Variants in ERN1 observed in about 807,000 individuals in gnomAD.
ERN1 encodes the protein endoplasmic reticulum to nucleus signaling 1, also known as serine/threonine-protein kinase/endoribonuclease IRE1.
In ERN1, 39 loss-of-function variants were observed where a neutral mutation model predicts 113.1. The observed-to-expected ratio is 0.34, with a 90% CI of 0.27 to 0.45. The LOEUF (loss-of-function observed/expected upper bound fraction) is 0.45, where lower values mean the gene tolerates loss of function less well. Among genes scored for constraint, ERN1 ranks in the 20% least tolerant of loss-of-function variants. ERN1 has a pLI of 1.00. For synonymous variants in ERN1, 507 were observed against 515.9 expected (o/e 0.98, Z 0.23); for missense variants, 976 against 1,274.8 (o/e 0.77, Z 3.57).
intron 1 of ERN1, among the ~76,000 whole-genome samples, chr17:64,101,242 C>G (rs1941061035): frequency 6.6e-6 from 1 of 152,082 alleles, no homozygotes; most frequent in Admixed American, 6.6e-5. Context: ...AACCTCGTCT[C>G]TACTAAAAAT....
intron 2 of ERN1, among the ~76,000 whole-genome samples, chr17:64,081,345 C>G (rs924910455): frequency 3.0e-4 from 45 of 152,158 alleles, no homozygotes; most frequent in African/African-American, 1.1e-3. Context: ...TTTGGCCCCC[C>G]CATTGCATTT....
intron 19 of ERN1, among the ~76,000 whole-genome samples, chr17:64,047,390 T>C (rs947770134): frequency 5.9e-5 from 9 of 152,092 alleles, no homozygotes; most frequent in Non-Finnish European, 8.8e-5. Flanking sequence ...TAAATAAGCT[T>C]ATGACACTTG....
At chr17:64,128,013 T>TA (rs1915125821) in intron 1 of ERN1, among the ~76,000 whole-genome samples, 2 of 151,946 alleles carry the variant, frequency 1.3e-5, no homozygotes, top group Admixed American at 1.3e-4. Flanking sequence ...CTTTCTTTTT[T>TA]TTTTTTGAGA....
chr17:64,055,963 C>G lies in ERN1; in HGVS notation c.1399-15G>C, dbSNP rs1386245685. The G allele has an allele frequency of 6.6e-7, 1 of 1,526,254 alleles. No homozygotes were observed. The highest frequency in any genetic ancestry group is 8.8e-7 in the Non-Finnish European group (1 of 1,135,040). The allele number at this position is 1,526,254 out of a possible 1,614,324, so 94.5% of individuals were successfully genotyped here. On this transcript the variant is annotated splice_polypyrimidine_tract_variant and intron_variant, in intron 12 of 21. Coordinates refer to ENST00000433197, the MANE Select transcript of ERN1 (RefSeq NM_001433.5). The stretch of plus-strand genomic sequence containing the variant: ...TGATGCATGCTCTGGGAAGAGAAAC[C>G]CACATCCAGACAAGGGCAGCTGTTC...
chr17:64,123,429 T>C (rs2143509263), intron 1 of ERN1, among the ~76,000 whole-genome samples: 1 of 152,356 alleles, frequency 6.6e-6, no homozygotes, highest in Admixed American at 6.5e-5. Context: ...GAGACTGCCT[T>C]GGTTTATTTA....
intron 2 of ERN1, among the ~76,000 whole-genome samples, chr17:64,090,571 G>A (rs1043815142): frequency 2.0e-5 from 3 of 152,186 alleles, no homozygotes; most frequent in African/African-American, 7.2e-5. Context: ...AAAGGGACAG[G>A]TAACTAAGTC....
chr17:64,060,395 A>T (rs1913014834), intron 11 of ERN1, 74 bp downstream of exon 11: 1 of 916,976 alleles, frequency 1.1e-6, no homozygotes, highest in South Asian at 1.3e-5. Context: ...CTCAGAAGGC[A>T]GAGTCAAAGT....
At chr17:64,070,462 C>T (rs1913374225) in intron 6 of ERN1, among the ~76,000 whole-genome samples, 1 of 152,162 alleles carries the variant, frequency 6.6e-6, no homozygotes, top group Admixed American at 6.5e-5. Flanking sequence ...CTGGATGAAG[C>T]TGGGGCCACT....
At chr17:64,126,977 T>C (rs1915097995) in intron 1 of ERN1, among the ~76,000 whole-genome samples, 1 of 152,172 alleles carries the variant, frequency 6.6e-6, no homozygotes, top group Non-Finnish European at 1.5e-5. Flanking sequence ...AATTGAGAGA[T>C]GTGGCACCTA....
chr17:64,046,541 G>A lies in ERN1; in HGVS notation c.2530-1059C>T, dbSNP rs201012176. On this transcript the variant is annotated intron_variant, in intron 19 of 21. Coordinates refer to ENST00000433197, the MANE Select transcript of ERN1 (RefSeq NM_001433.5). ...TTCACATTATGTCCATGGACACAGT[G>A]ACCAATCCATATGCTACAACATGGA... Among the ~76,000 whole-genome samples, 6 of 152,272 alleles carry A rather than the reference G, an allele frequency of 3.9e-5. No homozygotes were observed. In the East Asian group the frequency reaches 1.2e-3, roughly 29 times the overall value.
At chr17:64,080,861 T>C (rs1188725879) in intron 2 of ERN1, 53 bp from the exon 3 acceptor site, 5 of 1,577,168 alleles carry the variant, frequency 3.2e-6, no homozygotes, top group Non-Finnish European at 4.3e-6. Context: ...AATGTCAAGA[T>C]TCCCAGAGGC....
chr17:64,075,274 A>G (rs1294932486), intron 4 of ERN1, 27 bp from the exon 5 acceptor site: 1 of 1,471,246 alleles, frequency 6.8e-7, no homozygotes, highest in African/African-American at 1.5e-5. Flanking sequence ...AAAGAAAAAA[A>G]AAAGTTAACC....
chr17:64,125,528 G>A (rs963810208), intron 1 of ERN1, among the ~76,000 whole-genome samples: 2 of 152,074 alleles, frequency 1.3e-5, no homozygotes, highest in Non-Finnish European at 2.9e-5. Flanking sequence ...TCGCTCTGTT[G>A]CCAAGGCTGC....
intron 2 of ERN1, among the ~76,000 whole-genome samples, chr17:64,096,115 G>A (rs930249110): frequency 6.6e-6 from 1 of 152,178 alleles, no homozygotes; most frequent in Non-Finnish European, 1.5e-5. Flanking sequence ...CCAGGTTGTG[G>A]ACCCATACTG....
intron 1 of ERN1, among the ~76,000 whole-genome samples, chr17:64,101,667 C>T (rs760185918): frequency 6.6e-6 from 1 of 152,112 alleles, no homozygotes; most frequent in Non-Finnish European, 1.5e-5. Context: ...AAGTCAACCA[C>T]CTTTGATCAT....
chr17:64,057,857 A>G lies in ERN1; in HGVS notation c.1343T>C (p.Ile448Thr). 1 of 1,613,980 alleles carries G rather than the reference A, an allele frequency of 6.2e-7. No individual in the cohort carries two copies. The highest frequency in any genetic ancestry group is 8.5e-7 in the Non-Finnish European group (1 of 1,179,880). Reference protein sequence around the residue: ...DSMLKDMATIILSTFLLIGWV... With the variant: ...DSMLKDMATITLSTFLLIGWV... ...GCCAATCAGCAGGAAGGTGCTCAGG[A>G]TGATGGTAGCCATGTCCTTAAGCAT... Residue 448 changes from isoleucine (I) to threonine (T), a missense_variant, in exon 12 of 22, where the codon ATC becomes ACC. Transcript: ENST00000433197.
At chr17:64,119,196 A>G (rs1376868796) in intron 1 of ERN1, among the ~76,000 whole-genome samples, 1 of 152,094 alleles carries the variant, frequency 6.6e-6, no homozygotes, top group Admixed American at 6.6e-5. Flanking sequence ...ATAAACATTT[A>G]AACATCTTAC....
intron 20 of ERN1, 48 bp downstream of exon 20, chr17:64,045,311 G>A (rs773781658): frequency 6.2e-6 from 10 of 1,611,152 alleles, no homozygotes; most frequent in South Asian, 2.2e-5. Context: ...TTGGAAAGGC[G>A]GCAGCGACTT....
intron 1 of ERN1, among the ~76,000 whole-genome samples, chr17:64,103,408 A>T (rs1227329912): frequency 6.6e-6 from 1 of 151,664 alleles, no homozygotes; most frequent in African/African-American, 2.4e-5. Context: ...GAGGCAGGAG[A>T]ATCGCTTGAA....
Sources: gnomAD v4.1 joint callset for allele counts (sites outside exome capture counted in the v4.1 genomes callset) on GRCh38, gnomAD v4.1.1 for gene constraint, MANE v1.5 for transcripts, NCBI Gene and HGNC (gene_info 2026-07-23, HGNC 2026-07-21) for gene names.